The following PDE10A variants were observed in gnomAD, a reference collection of about 807,000 sequenced individuals.
PDE10A encodes the protein cAMP and cAMP-inhibited cGMP 3',5'-cyclic phosphodiesterase 10A.
A neutral mutation model predicts 97.7 loss-of-function variants in PDE10A; 39 were observed. The ratio of observed to expected loss-of-function variants is 0.40; its 90% CI spans 0.31 to 0.52. The LOEUF (loss-of-function observed/expected upper bound fraction) is 0.52, where lower values mean the gene tolerates loss of function less well. PDE10A is among the 20% of genes least tolerant of loss of function. The pLI is 0.56. For synonymous variants in PDE10A, 371 were observed against 376.8 expected (o/e 0.98, Z 0.18); for missense variants, 731 against 1,047.8 (o/e 0.70, Z 4.17).
chr6:165,560,830 G>A (rs1274490106), intron 1 of PDE10A, among the ~76,000 whole-genome samples: 6 of 152,084 alleles, frequency 3.9e-5, no homozygotes, highest in Admixed American at 1.3e-4. Flanking sequence ...GGGCTGCTGA[G>A]AGGTGACTGG....
chr6:165,452,591 C>G, intron 3 of PDE10A, among the ~76,000 whole-genome samples: 1 of 152,158 alleles, frequency 6.6e-6, no homozygotes, highest in East Asian at 1.9e-4. Flanking sequence ...TGGGATGACA[C>G]AGCAGTAAGG....
intron 1 of PDE10A, among the ~76,000 whole-genome samples, chr6:165,608,883 T>C (rs1278769910): frequency 1.3e-5 from 2 of 152,254 alleles, no homozygotes; most frequent in Non-Finnish European, 2.9e-5. Flanking sequence ...CATTTTTTCA[T>C]GTGACTATTG....
intron 11 of PDE10A, among the ~76,000 whole-genome samples, chr6:165,416,607 T>G (rs1326141048): frequency 6.6e-6 from 1 of 152,162 alleles, no homozygotes; most frequent in African/African-American, 2.4e-5. Context: ...TCAACATAAA[T>G]TTTTTTAGTG....
chr6:165,367,046 C>A (rs567073261), intron 18 of PDE10A, among the ~76,000 whole-genome samples: 1 of 151,734 alleles, frequency 6.6e-6, no homozygotes, highest in Non-Finnish European at 1.5e-5. Flanking sequence ...CATAGAAAAC[C>A]CAGATAGTGA....
rs150806294 is a variant in PDE10A at position 165,904,131 on chromosome 6, G to T, written c.-615+83398C>A. Among the ~76,000 whole-genome samples the T allele has an allele frequency of 1.9e-3, 285 of 152,266 alleles. 6 individuals are homozygous for T. The East Asian group carries it at 0.042, about 23-fold the overall frequency. On this transcript the variant is annotated intron_variant, in intron 1 of 19. Coordinates refer to the PDE10A transcript ENST00000366882. ...GTTATACCAAAGATGAAAGATATGA[G>T]AGAATTTTTAATGCTGAAGGGAATG...
chr6:165,854,464 A>C (rs2128475357), intron 1 of PDE10A, among the ~76,000 whole-genome samples: 1 of 152,236 alleles, frequency 6.6e-6, no homozygotes. Context: ...GCGAGCCCCC[A>C]GGACGTCCCC....
At chr6:165,720,690 A>G (rs4312966) in intron 1 of PDE10A, among the ~76,000 whole-genome samples, 106,530 of 152,156 alleles carry the variant, frequency 0.7, 38,736 homozygotes, top group African/African-American at 0.9. Context: ...GGATAAGCAC[A>G]TATCCTTATG....
At chr6:165,717,690 T>C (rs1193986252) in intron 1 of PDE10A, among the ~76,000 whole-genome samples, 1 of 152,234 alleles carries the variant, frequency 6.6e-6, no homozygotes, top group Non-Finnish European at 1.5e-5. Flanking sequence ...CTATGTTTAA[T>C]CTCTTGAGGA....
intron 1 of PDE10A, among the ~76,000 whole-genome samples, chr6:165,985,875 A>C (rs527915509): frequency 5.9e-4 from 68 of 114,836 alleles, no homozygotes; most frequent in African/African-American, 2.2e-3. Context: ...CTTCAAGTCC[A>C]CGCAGATCTG....
chr6:165,724,553 G>T (rs181860411), intron 1 of PDE10A, among the ~76,000 whole-genome samples: 12 of 152,242 alleles, frequency 7.9e-5, no homozygotes, highest in African/African-American at 2.9e-4. Flanking sequence ...CGTGGGCTTC[G>T]TCCTGTCACT....
chr6:165,503,459 C>A (rs1163991909), intron 2 of PDE10A, among the ~76,000 whole-genome samples: 4 of 152,144 alleles, frequency 2.6e-5, no homozygotes, highest in East Asian at 1.9e-4. Flanking sequence ...AAGGGGCCAG[C>A]AGGAACAACA....
At chr6:165,703,943 G>C (rs745967945) in intron 1 of PDE10A, among the ~76,000 whole-genome samples, 8 of 152,226 alleles carry the variant, frequency 5.3e-5, no homozygotes, top group Non-Finnish European at 8.8e-5. Context: ...AGGATGAGCT[G>C]CAGGAGTAGC....
intron 18 of PDE10A, among the ~76,000 whole-genome samples, chr6:165,357,028 C>T (rs1438761301): frequency 1.3e-5 from 2 of 152,088 alleles, no homozygotes; most frequent in Non-Finnish European, 2.9e-5. Context: ...TGTTCATACA[C>T]TTTTTACAAT....
chr6:165,440,264 C>G (rs1272989811), intron 5 of PDE10A, among the ~76,000 whole-genome samples: 1 of 152,148 alleles, frequency 6.6e-6, no homozygotes. Context: ...TTGAAGAAGG[C>G]AAACAATTAC....
intron 1 of PDE10A, among the ~76,000 whole-genome samples, chr6:165,634,118 C>T (rs1053643443): frequency 5.3e-5 from 8 of 152,120 alleles, no homozygotes; most frequent in Admixed American, 4.6e-4. Flanking sequence ...TGTTTCAGTG[C>T]GTCTGGGGTA....
chr6:165,584,188 C>T (rs1785773948), intron 1 of PDE10A, among the ~76,000 whole-genome samples: 1 of 152,082 alleles, frequency 6.6e-6, no homozygotes, highest in Admixed American at 6.6e-5. Flanking sequence ...AAAAGCTGAC[C>T]CCACCACACA....
chr6:165,712,526 G>A (rs543265196), intron 1 of PDE10A, among the ~76,000 whole-genome samples: 6 of 152,116 alleles, frequency 3.9e-5, no homozygotes, highest in African/African-American at 9.6e-5. Flanking sequence ...ACACCAAAGC[G>A]GCCTGGATCA....
chr6:165,507,572 C>G (rs1781271474), intron 2 of PDE10A, among the ~76,000 whole-genome samples: 1 of 152,048 alleles, frequency 6.6e-6, no homozygotes, highest in Non-Finnish European at 1.5e-5. Context: ...CAAGTTTCAG[C>G]CTATCTCCCG....
chr6:165,591,882 T>A (rs1034984689), intron 1 of PDE10A, among the ~76,000 whole-genome samples: 1 of 152,134 alleles, frequency 6.6e-6, no homozygotes, highest in South Asian at 2.1e-4. Context: ...TATATGTCCA[T>A]CCCAGAAAAC....
Sources: allele counts gnomAD v4.1 joint callset (sites outside exome capture counted in the v4.1 genomes callset), GRCh38; gene constraint gnomAD v4.1.1; transcripts MANE v1.5; gene names NCBI Gene and HGNC (gene_info 2026-07-23, HGNC 2026-07-21).